The following ACTR3C variants were observed in gnomAD, a reference collection of about 807,000 sequenced individuals.
ACTR3C encodes actin related protein 3C.
A neutral mutation model predicts 26.3 loss-of-function variants in ACTR3C; 18 were observed. The observed-to-expected ratio is 0.68, with a 90% CI of 0.47 to 1.01. The LOEUF (loss-of-function observed/expected upper bound fraction) is 1.01. Among genes scored for constraint, ACTR3C ranks in the 50% least tolerant of loss-of-function variants. The pLI, the probability that ACTR3C is intolerant of heterozygous loss-of-function variation, is 0.00. For missense variants in ACTR3C, 184 were observed against 250.7 expected (o/e 0.73, Z 1.80); for synonymous variants, 55 against 94.5 (o/e 0.58, Z 2.42).
chr7:150,147,609 A>G, the ACTR3C span, among the ~76,000 whole-genome samples: 35,539 of 152,112 alleles, frequency 0.23, 4,724 homozygotes, highest in Middle Eastern at 0.32. Context: ...TTAATAAACG[A>G]CATTTATTTC....
chr7:150,083,642 C>T, the ACTR3C span, among the ~76,000 whole-genome samples: 2 of 152,160 alleles, frequency 1.3e-5, no homozygotes, highest in East Asian at 1.9e-4. Context: ...TCTAACTGCA[C>T]GTTTGTACCC....
the ACTR3C span, among the ~76,000 whole-genome samples, chr7:150,027,284 G>A: frequency 6.6e-6 from 1 of 152,012 alleles, no homozygotes; most frequent in Admixed American, 6.5e-5. Context: ...GTTTTGTTTT[G>A]TTTTGAGACG....
intron 6 of ACTR3C, among the ~76,000 whole-genome samples, chr7:150,271,500 G>A (rs1834446981): frequency 6.6e-6 from 1 of 150,646 alleles, no homozygotes; most frequent in African/African-American, 2.5e-5. Flanking sequence ...CCATGTCCCT[G>A]CAAAGGACAT....
chr7:149,985,261 C>T, the ACTR3C span, among the ~76,000 whole-genome samples: 1 of 145,912 alleles, frequency 6.9e-6, no homozygotes, highest in Non-Finnish European at 1.5e-5. Flanking sequence ...CACACGAAAC[C>T]CTGCCTGTTT....
chr7:150,144,327 A>G, the ACTR3C span, among the ~76,000 whole-genome samples: 1 of 152,244 alleles, frequency 6.6e-6, no homozygotes, highest in Non-Finnish European at 1.5e-5. This position sits in a 1 kb window ranked among gnomAD's most constrained non-coding sequence, Gnocchi z 4.6. Context: ...TAAGCACCTC[A>G]GAAAGCCTGA....
chr7:150,081,942 C>T, the ACTR3C span, among the ~76,000 whole-genome samples: 1 of 151,876 alleles, frequency 6.6e-6, no homozygotes, highest in Admixed American at 6.5e-5. Context: ...TGTGCTCAGC[C>T]TTGCTTTTAA....
At chr7:150,093,752 T>C in the ACTR3C span, among the ~76,000 whole-genome samples, 2 of 150,602 alleles carry the variant, frequency 1.3e-5, 1 homozygote, top group African/African-American at 5.0e-5. Flanking sequence ...CAAGGGGAGG[T>C]AGCTTCTCAT....
the ACTR3C span, among the ~76,000 whole-genome samples, chr7:150,016,204 T>C: frequency 1.3e-5 from 2 of 152,054 alleles, no homozygotes; most frequent in Admixed American, 6.5e-5. Flanking sequence ...TCATGCTAAG[T>C]GGCTCAAGCC....
At chr7:150,026,675 T>C in the ACTR3C span, among the ~76,000 whole-genome samples, 2 of 152,080 alleles carry the variant, frequency 1.3e-5, no homozygotes, top group Non-Finnish European at 2.9e-5. Flanking sequence ...TTGTTTATAG[T>C]GGATTTTAAT....
the ACTR3C span, among the ~76,000 whole-genome samples, chr7:149,943,492 C>A: frequency 1.3e-5 from 2 of 150,754 alleles, no homozygotes; most frequent in Non-Finnish European, 2.9e-5. Context: ...ATTGGGAGGC[C>A]GAGGCGGGCA....
rs566119885 is a variant in ACTR3C, at chr7:150,316,904, T to C, written c.-52+6565A>G. The stretch of plus-strand genomic sequence containing the variant: ...TTAGTCCTCCTGCCCCTGAACATGA[T>C]AAGCTTTTCCATTTATTTAGGTCTT... On this transcript the variant is annotated intron_variant, in intron 1 of 7. Transcript: ENST00000683684. 8.5e-5 allele frequency among the ~76,000 whole-genome samples: 13 copies of C among 152,322 alleles called. No homozygotes were observed. In the South Asian group the frequency reaches 1.9e-3, roughly 22 times the overall value.
the ACTR3C span, among the ~76,000 whole-genome samples, chr7:149,884,467 TGA>T: frequency 6.6e-6 from 1 of 152,140 alleles, no homozygotes; most frequent in Non-Finnish European, 1.5e-5. Flanking sequence ...TGGAAATTGA[TGA>T]GAGTAGATTT....
At chr7:150,079,265 C>G in the ACTR3C span, among the ~76,000 whole-genome samples, 2 of 152,102 alleles carry the variant, frequency 1.3e-5, no homozygotes, top group East Asian at 3.9e-4. Flanking sequence ...ACAGCACCCC[C>G]GAGTACCGGC....
At chr7:150,050,765 A>G in the ACTR3C span, among the ~76,000 whole-genome samples, 2 of 152,034 alleles carry the variant, frequency 1.3e-5, no homozygotes, top group African/African-American at 2.4e-5. Flanking sequence ...GCGCTTGGCT[A>G]TACTCTTGCA....
chr7:150,087,708 GT>G, the ACTR3C span, among the ~76,000 whole-genome samples: 1 of 152,230 alleles, frequency 6.6e-6, no homozygotes, highest in African/African-American at 2.4e-5. Flanking sequence ...GCCACAGCCT[GT>G]TGTGAAACAG....
the ACTR3C span, among the ~76,000 whole-genome samples, chr7:149,995,047 G>T: frequency 6.6e-6 from 1 of 151,896 alleles, no homozygotes; most frequent in Admixed American, 6.6e-5. Context: ...TAGAGATGGG[G>T]TTTCACCATG....
the ACTR3C span, among the ~76,000 whole-genome samples, chr7:149,884,226 G>T: frequency 6.6e-6 from 1 of 152,202 alleles, no homozygotes; most frequent in Non-Finnish European, 1.5e-5. Context: ...AATGAAATCA[G>T]CTGGCAGGCA....
the ACTR3C span, among the ~76,000 whole-genome samples, chr7:150,082,947 C>CTTTTTTTTTTTTTTTTTTTTTTTT: frequency 6.4e-5 from 7 of 108,542 alleles, no homozygotes; most frequent in East Asian, 2.7e-4. Context: ...TTTTTTTTTT[C>CTTTTTTTTTTTTTTTTTTTTTTTT]TTTTTTTTTT....
At chr7:150,113,114 C>A in the ACTR3C span, among the ~76,000 whole-genome samples, 6 of 152,106 alleles carry the variant, frequency 3.9e-5, no homozygotes, top group African/African-American at 1.4e-4. Context: ...CACCCCACAG[C>A]TCTCTGCTGA....
Sources: allele counts gnomAD v4.1 joint callset (sites outside exome capture counted in the v4.1 genomes callset), GRCh38; gene constraint gnomAD v4.1.1; non-coding constraint Gnocchi (gnomAD v3.1); transcripts MANE v1.5; gene names NCBI Gene and HGNC (gene_info 2026-07-23, HGNC 2026-07-21).